The following RBKS variants were observed in gnomAD, a reference collection of about 807,000 sequenced individuals.
RBKS encodes ribokinase.
Under a neutral mutation model 33.9 loss-of-function variants are expected in RBKS, and 33 were observed. The observed-to-expected ratio is 0.97, with a 90% confidence interval of 0.74 to 1.30. The LOEUF is 1.30. RBKS is among the 50% of genes most tolerant of loss of function. The pLI is 0.00. For missense variants in RBKS, 361 were observed against 392.6 expected (o/e 0.92, Z 0.68); for synonymous variants, 125 against 143.0 (o/e 0.87, Z 0.90).
intron 6 of RBKS, among the ~76,000 whole-genome samples, chr2:27,828,101 C>T (rs1228615845): frequency 6.6e-6 from 1 of 152,184 alleles, no homozygotes; most frequent in Non-Finnish European, 1.5e-5. Context: ...TTGTCTGCAA[C>T]TTATTCTCAA....
At chr2:27,865,208 T>C (rs1409424647) in intron 1 of RBKS, among the ~76,000 whole-genome samples, 1 of 152,116 alleles carries the variant, frequency 6.6e-6, no homozygotes, top group Non-Finnish European at 1.5e-5. Context: ...TAGTCCCAGT[T>C]ACTCGGGAGG....
chr2:27,804,986 G>A (rs1461365007), intron 7 of RBKS, among the ~76,000 whole-genome samples: 6 of 151,652 alleles, frequency 4.0e-5, no homozygotes, highest in African/African-American at 7.3e-5. Context: ...GTGCACTCTA[G>A]CCTGGGTGAC....
chr2:27,885,713 CT>C (rs1263069833), intron 1 of RBKS, among the ~76,000 whole-genome samples: 1 of 152,194 alleles, frequency 6.6e-6, no homozygotes, highest in African/African-American at 2.4e-5. Context: ...TTTTACCTAA[CT>C]TACTATGTAA....
intron 6 of RBKS, among the ~76,000 whole-genome samples, chr2:27,829,148 G>A (rs1015443091): frequency 1.3e-5 from 2 of 152,072 alleles, no homozygotes; most frequent in Non-Finnish European, 2.9e-5. Flanking sequence ...AACTGCTTTG[G>A]CCTCCCAAAG....
chr2:27,866,222 C>T (rs1664095258), intron 1 of RBKS, among the ~76,000 whole-genome samples: 1 of 152,156 alleles, frequency 6.6e-6, no homozygotes, highest in Non-Finnish European at 1.5e-5. Context: ...TTTTCAAGCA[C>T]TTTAAAGATT....
intron 1 of RBKS, chr2:27,870,998 T>G: frequency 2.4e-6 from 1 of 415,578 alleles, no homozygotes; most frequent in Non-Finnish European, 5.0e-6. Flanking sequence ...CTAACAATTG[T>G]GCCTCAATGT....
Position 27,801,996 on chromosome 2 carries a change from T to A in RBKS, c.796-20208A>T, listed in dbSNP as rs868299990. Among the ~76,000 whole-genome samples the A allele has an allele frequency of 4.1e-3, 341 of 82,980 alleles. 1 individual carries two copies. Among genetic ancestry groups the A allele is most frequent in the Middle Eastern group, 5.7e-3 (1 of 174 alleles). 54.4% of individuals were successfully genotyped at this position (82,980 alleles called of 152,430 possible). A position where few individuals can be genotyped will look rare whatever the true frequency, so the allele number is the denominator to read the frequency against. ...TATATATATATATATATATATATTTTTTTTTTTTTTTTTTTTTTTTTTTTA... is the reference window on the plus strand; with the variant it reads ...TATATATATATATATATATATATTTATTTTTTTTTTTTTTTTTTTTTTTTA... On this transcript the variant is annotated intron_variant, in intron 7 of 7. Coordinates refer to ENST00000302188, the MANE Select transcript of RBKS (RefSeq NM_022128.3).
intron 2 of RBKS, among the ~76,000 whole-genome samples, chr2:27,852,814 A>G (rs1242861446): frequency 6.6e-6 from 1 of 152,234 alleles, no homozygotes; most frequent in Non-Finnish European, 1.5e-5. Context: ...TAAGATGAAT[A>G]TAATTTAATC....
At chr2:27,856,505 CTT>C (rs1265903319) in intron 2 of RBKS, among the ~76,000 whole-genome samples, 7 of 152,166 alleles carry the variant, frequency 4.6e-5, no homozygotes, top group African/African-American at 1.7e-4. Flanking sequence ...AAATATTTCT[CTT>C]TGTCATTTCT....
At chr2:27,873,289 CACAG>C (rs1475799345) in intron 1 of RBKS, among the ~76,000 whole-genome samples, 2 of 152,318 alleles carry the variant, frequency 1.3e-5, no homozygotes, top group South Asian at 2.1e-4. Flanking sequence ...GGGGTCCCCA[CACAG>C]ACATTCTACA....
At chr2:27,858,832 G>T (rs906357221) in intron 1 of RBKS, among the ~76,000 whole-genome samples, 1 of 152,136 alleles carries the variant, frequency 6.6e-6, no homozygotes, top group Admixed American at 6.5e-5. Flanking sequence ...CTGCATCAGG[G>T]TTATTCATGA....
intron 7 of RBKS, among the ~76,000 whole-genome samples, chr2:27,800,087 C>G (rs1677745986): frequency 7.8e-6 from 1 of 128,428 alleles, no homozygotes; most frequent in African/African-American, 3.0e-5. Context: ...GGCTCTTGCT[C>G]TGTCACCCAG....
chr2:27,831,035 C>T (rs1678406225), intron 6 of RBKS, among the ~76,000 whole-genome samples: 1 of 152,160 alleles, frequency 6.6e-6, no homozygotes, highest in African/African-American at 2.4e-5. Flanking sequence ...CATCAACTGT[C>T]AAGCAGGTGA....
At chr2:27,845,454 A>G (rs1300002662) in intron 4 of RBKS, among the ~76,000 whole-genome samples, 2 of 152,206 alleles carry the variant, frequency 1.3e-5, no homozygotes, top group African/African-American at 2.4e-5. Flanking sequence ...GACACACACT[A>G]TGACATTATA....
At chr2:27,867,797 G>GAATTA (rs1664129994) in intron 1 of RBKS, among the ~76,000 whole-genome samples, 1 of 152,118 alleles carries the variant, frequency 6.6e-6, no homozygotes, top group East Asian at 1.9e-4. Context: ...TATGTATAGG[G>GAATTA]GATTAGGAAG....
At chr2:27,784,103 C>T (rs988523578) in intron 7 of RBKS, among the ~76,000 whole-genome samples, 4 of 142,840 alleles carry the variant, frequency 2.8e-5, no homozygotes, top group African/African-American at 7.7e-5. Context: ...CCTGCCTCAG[C>T]CTCCCAAGTA....
At chr2:27,828,472 T>C (rs1449376056) in intron 6 of RBKS, among the ~76,000 whole-genome samples, 2 of 152,216 alleles carry the variant, frequency 1.3e-5, no homozygotes, top group African/African-American at 2.4e-5. Context: ...TTGCTTTCCA[T>C]GTTTGCAGAC....
chr2:27,783,169 G>A (rs1402832411), intron 7 of RBKS, among the ~76,000 whole-genome samples: 4 of 152,126 alleles, frequency 2.6e-5, no homozygotes, highest in East Asian at 1.9e-4. Context: ...GGGGCCGGGC[G>A]TGGTGGCTCA....
intron 7 of RBKS, among the ~76,000 whole-genome samples, chr2:27,805,931 T>G (rs1482362410): frequency 1.2e-4 from 17 of 142,884 alleles, no homozygotes; most frequent in East Asian, 6.4e-4. Flanking sequence ...TCACTCTGTT[T>G]CCCAGGCTGG....
Sources: gnomAD v4.1 joint callset for allele counts (sites outside exome capture counted in the v4.1 genomes callset) on GRCh38, gnomAD v4.1.1 for gene constraint, MANE v1.5 for transcripts, NCBI Gene and HGNC (gene_info 2026-07-23, HGNC 2026-07-21) for gene names.